The following SFI1 variants were observed in gnomAD, a reference collection of about 807,000 sequenced individuals.
SFI1 encodes the protein SFI1 centrin binding protein, also known as protein SFI1 homolog.
SFI1 carries 195 observed loss-of-function variants against 207.5 expected under a neutral mutation model. That is an observed-to-expected ratio of 0.94 (90% CI 0.84 to 1.06). The LOEUF (loss-of-function observed/expected upper bound fraction) is 1.06, where lower values mean the gene tolerates loss of function less well. Ranked by LOEUF, SFI1 falls within the 50% of genes least tolerant of loss-of-function variation. SFI1 has a pLI of 0.00. For missense variants in SFI1, 1,634 were observed against 1,588.0 expected, an observed-to-expected ratio of 1.03 and a Z score of -0.49; for synonymous variants, 630 against 598.9, an observed-to-expected ratio of 1.05 and a Z score of -0.76.
rs1183109596 is a variant in SFI1 at position 31,568,189 on chromosome 22, G to GT, written c.766-4868dup. 5.0e-4 allele frequency among the ~76,000 whole-genome samples: 39 copies of GT among 78,196 alleles called. 1 individual carries two copies. Among genetic ancestry groups the GT allele is most frequent in the South Asian group, 1.9e-3 (4 of 2,066 alleles). The allele number at this position is 78,196 out of a possible 152,430, so 51.3% of individuals were successfully genotyped here. A position where few individuals can be genotyped will look rare whatever the true frequency, so the allele number is the denominator to read the frequency against. On this transcript the variant is annotated intron_variant, in intron 8 of 32. Transcript: ENST00000400288. Reference sequence around the variant, plus strand: ...TATGTGTGTGTGTGTGTGTGTGTGTGTGTGTTGTGTGTGTGTGTGTGTATA... The same window carrying GT: ...TATGTGTGTGTGTGTGTGTGTGTGTGTTGTGTTGTGTGTGTGTGTGTGTATA...
In SFI1 at chr22:31,561,398, T is replaced by C; in HGVS notation, c.765+6T>C. On this transcript the variant is annotated splice_donor_region_variant and intron_variant, in intron 8 of 32. Transcript: ENST00000400288. ...CCCTGAGCCTCCAGGTGCAGGTGAG[T>C]CCAGCAGACGTGGGATTTGGCATCC... 2 of 1,611,388 alleles carry C rather than the reference T, an allele frequency of 1.2e-6. No homozygotes were observed. Among genetic ancestry groups the C allele is most frequent in the South Asian group, 1.1e-5 (1 of 90,648 alleles).
intron 4 of SFI1, among the ~76,000 whole-genome samples, chr22:31,536,987 C>A (rs965951345): frequency 1.3e-5 from 2 of 151,606 alleles, no homozygotes; most frequent in Non-Finnish European, 2.9e-5. Context: ...TGCACTCAAG[C>A]GATCCTCCCT....
intron 1 of SFI1, 85 bp from the exon 2 acceptor site, chr22:31,508,170 C>A: frequency 1.3e-6 from 1 of 745,148 alleles, no homozygotes; most frequent in Non-Finnish European, 2.4e-6. Context: ...GAGCAGGAGA[C>A]TAGGAGCTGG....
At chr22:31,602,868 C>A in intron 17 of SFI1, 83 bp downstream of exon 17, 2 of 1,453,560 alleles carry the variant, frequency 1.4e-6, no homozygotes, top group Non-Finnish European at 1.9e-6. Context: ...CTCCAAGTGC[C>A]TGTCTGGAGG....
At chr22:31,606,485 T>C (rs1603337461) in intron 21 of SFI1, 55 bp downstream of exon 21, 1 of 1,463,312 alleles carries the variant, frequency 6.8e-7, no homozygotes, top group Middle Eastern at 1.7e-4. Flanking sequence ...TGTGTTCTGG[T>C]GAGGGCGTGG....
intron 31 of SFI1, 21 bp from the exon 32 acceptor site, chr22:31,618,094 G>A (rs1353561349): frequency 2.6e-6 from 4 of 1,554,338 alleles, no homozygotes; most frequent in Admixed American, 2.0e-5. Flanking sequence ...CTGGCAGGCA[G>A]TGGGTATCTC....
chr22:31,606,256 A>C (rs2068946507), intron 20 of SFI1, 72 bp from the exon 21 acceptor site: 10 of 1,378,580 alleles, frequency 7.3e-6, no homozygotes, highest in Non-Finnish European at 1.0e-5. Context: ...AGAAGTAGGA[A>C]TGATTCACAG....
intron 8 of SFI1, among the ~76,000 whole-genome samples, chr22:31,566,600 A>G (rs1035584892): frequency 1.3e-5 from 2 of 152,110 alleles, no homozygotes; most frequent in Admixed American, 1.3e-4. Context: ...GAGTTATTTC[A>G]TCTGTTTGTA....
At chr22:31,539,210 A>T (rs552097120) in intron 4 of SFI1, among the ~76,000 whole-genome samples, 3 of 152,186 alleles carry the variant, frequency 2.0e-5, no homozygotes, top group African/African-American at 4.8e-5. Context: ...CTCTCCCCCG[A>T]GTGACTCCAA....
rs968260108 is a variant in SFI1 at position 31,591,073 on chromosome 22, T to C, written c.1544+1496T>C. Among the ~76,000 whole-genome samples, 6 of 151,676 alleles carry C rather than the reference T, an allele frequency of 4.0e-5. No individual in the cohort carries two copies. In the East Asian group the frequency reaches 1.2e-3, roughly 29 times the overall value. On this transcript the variant is annotated intron_variant, in intron 15 of 32. Coordinates refer to ENST00000400288, the MANE Select transcript of SFI1 (RefSeq NM_001007467.3). Reference sequence around the variant, plus strand: ...GAGGGAAGGTCAGCAGACAAACAAGTGAACAAAGGTCTCTGGTTTTCTTAG... The same window carrying C: ...GAGGGAAGGTCAGCAGACAAACAAGCGAACAAAGGTCTCTGGTTTTCTTAG...
chr22:31,501,920 C>T (rs1185038561), intron 1 of SFI1, among the ~76,000 whole-genome samples: 1 of 152,052 alleles, frequency 6.6e-6, no homozygotes, highest in Non-Finnish European at 1.5e-5. Flanking sequence ...AGCACATTAG[C>T]TTCATTGACA....
intron 8 of SFI1, among the ~76,000 whole-genome samples, chr22:31,571,855 G>C (rs1375668703): frequency 2.0e-5 from 3 of 151,742 alleles, no homozygotes; most frequent in Non-Finnish European, 4.4e-5. Context: ...CATTTCCATA[G>C]TCTAATTAAA....
intron 1 of SFI1, among the ~76,000 whole-genome samples, chr22:31,501,578 C>T (rs1333928395): frequency 6.6e-6 from 1 of 152,148 alleles, no homozygotes; most frequent in Non-Finnish European, 1.5e-5. Context: ...TGTACTAGTC[C>T]CAGTTCCGCC....
intron 2 of SFI1, chr22:31,521,243 G>A (rs778570261): frequency 4.4e-5 from 8 of 183,182 alleles, no homozygotes; most frequent in South Asian, 2.8e-4. Context: ...AGAGACTTGC[G>A]AATGTGTGGA....
At chr22:31,561,709 C>T (rs143677013) in intron 8 of SFI1, among the ~76,000 whole-genome samples, 1 of 152,290 alleles carries the variant, frequency 6.6e-6, no homozygotes, top group Non-Finnish European at 1.5e-5. Flanking sequence ...TGTTTTCCTA[C>T]AGCAAATCAG....
chr22:31,617,997 A>C, intron 31 of SFI1, 118 bp from the exon 32 acceptor site: 1 of 1,170,510 alleles, frequency 8.5e-7, no homozygotes, highest in Non-Finnish European at 1.2e-6. Flanking sequence ...GGGCCCTACC[A>C]GACCACCTCT....
chr22:31,505,984 C>T (rs59285943), intron 1 of SFI1, among the ~76,000 whole-genome samples: 12,581 of 149,204 alleles, frequency 0.084, 886 homozygotes, highest in East Asian at 0.37. Flanking sequence ...CTGAGGAGGT[C>T]GAGGCTGCAG....
At chr22:31,600,873 A>G (rs2067985992) in intron 15 of SFI1, among the ~76,000 whole-genome samples, 1 of 152,254 alleles carries the variant, frequency 6.6e-6, no homozygotes, top group Non-Finnish European at 1.5e-5. Context: ...GGGCAGATCC[A>G]GGACCAGTGA....
At chr22:31,590,722 C>G (rs946953031) in intron 15 of SFI1, among the ~76,000 whole-genome samples, 2 of 151,506 alleles carry the variant, frequency 1.3e-5, no homozygotes, top group Non-Finnish European at 3.0e-5. Flanking sequence ...AGCAAGGTCT[C>G]GAACTCCTGA....
Sources: allele counts gnomAD v4.1 joint callset (sites outside exome capture counted in the v4.1 genomes callset), GRCh38; gene constraint gnomAD v4.1.1; transcripts MANE v1.5; gene names NCBI Gene and HGNC (gene_info 2026-07-23, HGNC 2026-07-21).